The following DHDH variants were observed in gnomAD, a reference collection of about 807,000 sequenced individuals.
The protein encoded by DHDH is trans-1,2-dihydrobenzene-1,2-diol dehydrogenase.
Under a neutral mutation model 33.2 loss-of-function variants are expected in DHDH, and 29 were observed. The ratio of observed to expected loss-of-function variants is 0.87; its 90% CI spans 0.65 to 1.19. The LOEUF is 1.19. DHDH is among the 50% of genes most tolerant of loss of function. DHDH has a pLI of 0.00. For missense variants in DHDH, 431 were observed against 455.0 expected (o/e 0.95, Z 0.48); for synonymous variants, 201 against 187.9 (o/e 1.07, Z -0.57).
At position 48,939,752 on chromosome 19, in the gene DHDH, C is replaced by G. The variant is rs776007757; in HGVS notation, c.619+51C>G. ...TGGTGATGGGAATGATTCTGTCTCTCTGGGAGCACTGAACTGAGGACAAGT... is the reference window on the plus strand; with the variant it reads ...TGGTGATGGGAATGATTCTGTCTCTGTGGGAGCACTGAACTGAGGACAAGT... On this transcript the variant is annotated intron_variant, in intron 4 of 6. Transcript: ENST00000221403. 5 of 1,532,692 alleles carry G rather than the reference C, an allele frequency of 3.3e-6. No homozygotes were observed. The African/African-American group carries it at 6.8e-5, about 21-fold the overall frequency. The allele number at this position is 1,532,692 out of a possible 1,614,324, so 94.9% of individuals were successfully genotyped here. A position where few individuals can be genotyped will look rare whatever the true frequency, so the allele number is the denominator to read the frequency against.
At chr19:48,935,673 C>T (rs908269040) in intron 2 of DHDH, among the ~76,000 whole-genome samples, 1 of 151,466 alleles carries the variant, frequency 6.6e-6, no homozygotes, top group Non-Finnish European at 1.5e-5. Flanking sequence ...AAAAATTAGC[C>T]GGGCATGGTG....
In DHDH at chr19:48,936,172, TC is replaced by T. The variant is rs756732355; in HGVS notation, c.346del (p.Arg116GlufsTer20). 2.0e-4 allele frequency: 327 copies of T among 1,600,038 alleles called. No individual in the cohort carries two copies. Among genetic ancestry groups the T allele is most frequent in the Non-Finnish European group, 2.6e-4 (306 of 1,174,646 alleles). On this transcript the variant is annotated frameshift_variant, in exon 3 of 7. Coordinates refer to ENST00000221403, the MANE Select transcript of DHDH (RefSeq NM_014475.4). LOFTEE classifies it high-confidence loss of function. Reference protein sequence around the residue: ...EVREMVAEARSRALFLMEAIW... With the variant: ...EVREMVAEARXRALFLMEAIW... Reference sequence around the variant, plus strand: ...TCGCGAGATGGTCGCGGAGGCCCGATCCCGAGCCCTCTTCCTTATGGAGGTG... The same window carrying T: ...TCGCGAGATGGTCGCGGAGGCCCGATCCGAGCCCTCTTCCTTATGGAGGTG...
intron 2 of DHDH, among the ~76,000 whole-genome samples, chr19:48,935,555 C>T (rs1233849138): frequency 6.7e-6 from 1 of 149,318 alleles, no homozygotes; most frequent in African/African-American, 2.5e-5. Flanking sequence ...CGGTGGCTGA[C>T]GCCTGTAATC....
chr19:48,935,055 A>G lies in DHDH; in HGVS notation c.146A>G (p.His49Arg). ...LSRAKEFAQK[H>R]DIPKAYGSYE... is the part of the protein sequence containing the mutation. Reference sequence around the variant, plus strand: ...CGTGCGAAGGAGTTTGCACAGAAACACGACATCCCCAAGGCCTACGGCTCC... The same window carrying G: ...CGTGCGAAGGAGTTTGCACAGAAACGCGACATCCCCAAGGCCTACGGCTCC... Residue 49 changes from histidine to arginine, a missense_variant, in exon 2 of 7, where the codon CAC becomes CGC. His to Arg is a conservative substitution (Grantham distance 29, BLOSUM62 0). Transcript: ENST00000221403. 6.3e-7 allele frequency: 1 copy of G among 1,594,140 alleles called. No homozygotes were observed. Among genetic ancestry groups the G allele is most frequent in the Non-Finnish European group, 8.5e-7 (1 of 1,172,076 alleles).
chr19:48,935,214 T>C (rs2037755062), intron 2 of DHDH, 103 bp downstream of exon 2: 1 of 866,070 alleles, frequency 1.2e-6, no homozygotes, highest in Admixed American at 3.7e-5. Flanking sequence ...TCCAATCCCT[T>C]TGGGTTCCAT....
intron 4 of DHDH, among the ~76,000 whole-genome samples, chr19:48,941,490 T>C (rs1192082120): frequency 6.6e-6 from 1 of 152,080 alleles, no homozygotes; most frequent in African/African-American, 2.4e-5. Context: ...CAAGCGATTC[T>C]CCTCCGTAAG....
chr19:48,940,359 A>G (rs1568597604), intron 4 of DHDH, among the ~76,000 whole-genome samples: 1 of 151,816 alleles, frequency 6.6e-6, no homozygotes, highest in Non-Finnish European at 1.5e-5. Flanking sequence ...CATCTCAAAA[A>G]AAAAAAAAGC....
intron 5 of DHDH, 70 bp from the exon 6 acceptor site, chr19:48,944,287 C>T (rs2037908112): frequency 1.2e-6 from 2 of 1,603,690 alleles, no homozygotes; most frequent in Non-Finnish European, 1.7e-6. Flanking sequence ...CACCACCTGG[C>T]ATGTTCCTGG....
chr19:48,935,729 A>C (rs1351183607), intron 2 of DHDH, among the ~76,000 whole-genome samples: 1 of 151,432 alleles, frequency 6.6e-6, no homozygotes, highest in Non-Finnish European at 1.5e-5. Context: ...AGGCAGGAGA[A>C]TGGCGTGAAC....
In DHDH at chr19:48,939,442, T is replaced by C; in HGVS notation, c.367-7T>C. ...GGTTGGTTAACTCCTTTCCTTGTGG[T>C]CTGCAGGCCATCTGGACCCGCTTCT... On this transcript the variant is annotated splice_polypyrimidine_tract_variant and splice_region_variant and intron_variant, in intron 3 of 6. Transcript: ENST00000221403. The C allele has an allele frequency of 6.2e-7, 1 of 1,608,168 alleles. No homozygotes were observed. The highest frequency in any genetic ancestry group is 1.3e-5 in the African/African-American group (1 of 74,902).
chr19:48,934,947 C>T, intron 1 of DHDH, 53 bp from the exon 2 acceptor site: 1 of 1,420,770 alleles, frequency 7.0e-7, no homozygotes, highest in Non-Finnish European at 9.4e-7. Flanking sequence ...TCCCTTCCAC[C>T]CAGTTTCCAC....
At chr19:48,942,027 T>TGTGTGTGA (rs1491409027) in intron 4 of DHDH, among the ~76,000 whole-genome samples, 3 of 134,644 alleles carry the variant, frequency 2.2e-5, no homozygotes, top group African/African-American at 7.8e-5. Context: ...TGTGTGTGTG[T>TGTGTGTGA]GATGGAGTCT....
At chr19:48,934,867 T>A in intron 1 of DHDH, 133 bp from the exon 2 acceptor site, 1 of 592,184 alleles carries the variant, frequency 1.7e-6, no homozygotes, top group Non-Finnish European at 2.7e-6. Flanking sequence ...GGCCCAAATG[T>A]CCAGCCCCCG....
In DHDH at chr19:48,937,034, G is replaced by T. The variant is rs1053881887; in HGVS notation, c.366+839G>T. Among the ~76,000 whole-genome samples the T allele has an allele frequency of 2.6e-5, 4 of 151,976 alleles. No individual in the cohort carries two copies. The East Asian group carries it at 7.9e-4, about 30-fold the overall frequency. ...CATGACTGCAAGTGATCCTCCTGCCGCGGCCTCCCAAAGTGCTGGGATTAC... is the reference window on the plus strand; with the variant it reads ...CATGACTGCAAGTGATCCTCCTGCCTCGGCCTCCCAAAGTGCTGGGATTAC... On this transcript the variant is annotated intron_variant, in intron 3 of 6. Transcript: ENST00000221403.
At chr19:48,934,920 G>A in intron 1 of DHDH, 80 bp from the exon 2 acceptor site, 4 of 1,179,402 alleles carry the variant, frequency 3.4e-6, no homozygotes, top group South Asian at 1.7e-5. Context: ...CCCCTGGCCA[G>A]AGCCTCCTCC....
chr19:48,939,224 G>A lies in DHDH; in HGVS notation c.367-225G>A, dbSNP rs542009612. Among the ~76,000 whole-genome samples, 8 of 151,980 alleles carry A rather than the reference G, an allele frequency of 5.3e-5. No individual in the cohort carries two copies. The East Asian group carries it at 1.4e-3, about 26-fold the overall frequency. On this transcript the variant is annotated intron_variant, in intron 3 of 6. Transcript: ENST00000221403. Reference sequence around the variant, plus strand: ...GGAGGCTGAGGTGGGAGGACTGCTTGAGCCCAGGAGTTCGAGACCAGCCTG... The same window carrying A: ...GGAGGCTGAGGTGGGAGGACTGCTTAAGCCCAGGAGTTCGAGACCAGCCTG...
intron 4 of DHDH, among the ~76,000 whole-genome samples, 171 bp from the exon 5 acceptor site, chr19:48,942,269 G>T (rs878894394): frequency 6.6e-6 from 1 of 152,140 alleles, no homozygotes; most frequent in South Asian, 2.1e-4. Context: ...CTCCCAAAGT[G>T]CTGGGATTAC....
At chr19:48,940,109 C>T (rs1359628099) in intron 4 of DHDH, among the ~76,000 whole-genome samples, 2 of 152,126 alleles carry the variant, frequency 1.3e-5, no homozygotes, top group African/African-American at 2.4e-5. Flanking sequence ...AATTCCAGCA[C>T]TTTGGGAGGC....
intron 4 of DHDH, among the ~76,000 whole-genome samples, chr19:48,941,673 G>A (rs1013479266): frequency 1.0e-4 from 15 of 148,836 alleles, no homozygotes; most frequent in East Asian, 3.9e-4. Context: ...ATGAACCACC[G>A]GCTTTTTTTT....
Sources: allele counts gnomAD v4.1 joint callset (sites outside exome capture counted in the v4.1 genomes callset), GRCh38; gene constraint gnomAD v4.1.1; transcripts MANE v1.5; gene names NCBI Gene and HGNC (gene_info 2026-07-23, HGNC 2026-07-21).